The following MS4A4A variants were observed in gnomAD, a reference collection of about 807,000 sequenced individuals.
MS4A4A encodes the protein membrane spanning 4-domains A4A, also known as membrane-spanning 4-domains subfamily A member 4A.
MS4A4A carries 26 observed loss-of-function variants against 28.0 expected under a neutral mutation model. The observed-to-expected ratio is 0.93, with a 90% CI of 0.68 to 1.29. The LOEUF (loss-of-function observed/expected upper bound fraction) is 1.29. Ranked by LOEUF, MS4A4A falls within the 50% of genes most tolerant of loss-of-function variation. The pLI, the probability that MS4A4A is intolerant of heterozygous loss-of-function variation, is 0.00. For synonymous variants in MS4A4A, 86 were observed against 100.8 expected, an observed-to-expected ratio of 0.85 and a Z score of 0.88; for missense variants, 290 against 293.1, an observed-to-expected ratio of 0.99 and a Z score of 0.08.
At chr11:60,284,559 G>T (rs773677342) in intron 1 of MS4A4A, among the ~76,000 whole-genome samples, 1 of 152,134 alleles carries the variant, frequency 6.6e-6, no homozygotes, top group Non-Finnish European at 1.5e-5. Context: ...TTTGCAGTTT[G>T]TCTCAAAGAT....
intron 2 of MS4A4A, among the ~76,000 whole-genome samples, chr11:60,294,892 ACTT>A (rs71036569): frequency 0.015 from 1,903 of 130,922 alleles, 42 homozygotes; most frequent in African/African-American, 0.04. Context: ...TACAACTACT[ACTT>A]CTTCTTCTTC....
At chr11:60,282,729 A>T in intron 1 of MS4A4A, 1 of 1,273,698 alleles carries the variant, frequency 7.9e-7, no homozygotes, top group Non-Finnish European at 1.0e-6. Flanking sequence ...TTAAAAGGAG[A>T]GAGATTCGAG....
intron 1 of MS4A4A, among the ~76,000 whole-genome samples, chr11:60,289,836 G>A (rs1354068090): frequency 6.6e-6 from 1 of 151,660 alleles, no homozygotes; most frequent in Non-Finnish European, 1.5e-5. Context: ...GCTATTCCTT[G>A]TTATTTAACA....
At chr11:60,287,699 C>T (rs1284370198) in intron 1 of MS4A4A, among the ~76,000 whole-genome samples, 1 of 152,134 alleles carries the variant, frequency 6.6e-6, no homozygotes, top group Non-Finnish European at 1.5e-5. Context: ...ATGGATGAGA[C>T]TCAAGGTATG....
intron 1 of MS4A4A, among the ~76,000 whole-genome samples, chr11:60,288,877 C>T (rs1037180388): frequency 2.6e-5 from 4 of 152,142 alleles, no homozygotes; most frequent in Non-Finnish European, 2.9e-5. Context: ...AGTTATTTTG[C>T]CTGGATTGTT....
At chr11:60,288,630 G>C (rs1300147724) in intron 1 of MS4A4A, among the ~76,000 whole-genome samples, 1 of 152,162 alleles carries the variant, frequency 6.6e-6, no homozygotes, top group Non-Finnish European at 1.5e-5. Context: ...TCCATCCCTG[G>C]GTGATGGAGT....
chr11:60,301,866 G>A (rs188782070), intron 4 of MS4A4A, among the ~76,000 whole-genome samples: 7 of 152,220 alleles, frequency 4.6e-5, no homozygotes, highest in South Asian at 2.1e-4. Context: ...CGCAACCTCC[G>A]CTTCTCAGGT....
chr11:60,282,691 A>G (rs2084766208), intron 1 of MS4A4A: 1 of 1,285,668 alleles, frequency 7.8e-7, no homozygotes, highest in Non-Finnish European at 1.0e-6. Context: ...CAACTTAAAT[A>G]AGTCAAATAT....
intron 1 of MS4A4A, among the ~76,000 whole-genome samples, chr11:60,284,196 G>T (rs1461940051): frequency 6.6e-6 from 1 of 152,164 alleles, no homozygotes; most frequent in Non-Finnish European, 1.5e-5. Context: ...CTATAATTCT[G>T]TCCTGTGAAT....
intron 1 of MS4A4A, among the ~76,000 whole-genome samples, chr11:60,288,316 C>T (rs1413594277): frequency 1.3e-5 from 2 of 152,186 alleles, no homozygotes; most frequent in African/African-American, 2.4e-5. Flanking sequence ...TTTTTAGGCA[C>T]AAGTATTATA....
At chr11:60,291,006 A>G (rs1449803540) in intron 1 of MS4A4A, among the ~76,000 whole-genome samples, 1 of 152,188 alleles carries the variant, frequency 6.6e-6, no homozygotes, top group African/African-American at 2.4e-5. Flanking sequence ...AAAATTAACT[A>G]TTACTTGAAG....
chr11:60,300,406 G>A (rs939593697), intron 3 of MS4A4A, among the ~76,000 whole-genome samples: 2 of 151,966 alleles, frequency 1.3e-5, no homozygotes, highest in African/African-American at 2.4e-5. Context: ...CACGAGGTCA[G>A]GAGATCAAGA....
intron 2 of MS4A4A, among the ~76,000 whole-genome samples, chr11:60,292,902 A>G (rs2084870326): frequency 6.6e-6 from 1 of 152,202 alleles, no homozygotes; most frequent in South Asian, 2.1e-4. Flanking sequence ...ATATAGGTTT[A>G]TCACTAGCCC....
chr11:60,299,099 CACAGACAT>C (rs1187880181), intron 3 of MS4A4A, among the ~76,000 whole-genome samples: 1 of 152,168 alleles, frequency 6.6e-6, no homozygotes, highest in East Asian at 1.9e-4. Context: ...TCTTCAAATA[CACAGACAT>C]ACATACACAC....
At chr11:60,284,086 T>C (rs2084781144) in intron 1 of MS4A4A, among the ~76,000 whole-genome samples, 1 of 152,200 alleles carries the variant, frequency 6.6e-6, no homozygotes, top group African/African-American at 2.4e-5. Context: ...ACCAGACTAG[T>C]TTAGTGGATC....
At chr11:60,282,118 C>T (rs955523593) in intron 1 of MS4A4A, among the ~76,000 whole-genome samples, 2 of 152,090 alleles carry the variant, frequency 1.3e-5, no homozygotes, top group African/African-American at 4.8e-5. Context: ...AGAACCTGAC[C>T]TATGTTACCA....
chr11:60,297,003 C>T (rs116802290), intron 2 of MS4A4A, 194 bp from the exon 3 acceptor site: 15 of 627,990 alleles, frequency 2.4e-5, no homozygotes, highest in African/African-American at 9.3e-5. Flanking sequence ...CAATGATAGA[C>T]GTCGCGAGAG....
At chr11:60,285,216 G>A (rs534030079) in intron 1 of MS4A4A, among the ~76,000 whole-genome samples, 1 of 152,260 alleles carries the variant, frequency 6.6e-6, no homozygotes, top group South Asian at 2.1e-4. Flanking sequence ...AAATCTGTAA[G>A]TTTAAGTTTG....
intron 2 of MS4A4A, 46 bp from the exon 3 acceptor site, chr11:60,297,151 A>G: frequency 6.2e-7 from 1 of 1,608,730 alleles, no homozygotes; most frequent in Non-Finnish European, 8.5e-7. Context: ...CGGAAGCACC[A>G]TTTTTGTGGT....
Sources: allele counts gnomAD v4.1 joint callset (sites outside exome capture counted in the v4.1 genomes callset), GRCh38; gene constraint gnomAD v4.1.1; transcripts MANE v1.5; gene names NCBI Gene and HGNC (gene_info 2026-07-23, HGNC 2026-07-21).